SLC9A9: variants seen among roughly 807,000 people sequenced by gnomAD.
The protein encoded by SLC9A9 is sodium/hydrogen exchanger 9.
A neutral mutation model predicts 77.8 loss-of-function variants in SLC9A9; 62 were observed. That is an observed-to-expected ratio of 0.80 (90% CI 0.65 to 0.98). The LOEUF (loss-of-function observed/expected upper bound fraction) is 0.98, where lower values mean the gene tolerates loss of function less well. Among genes scored for constraint, SLC9A9 ranks in the 50% least tolerant of loss-of-function variants. SLC9A9 has a pLI of 0.00. For missense variants in SLC9A9, 775 were observed against 774.9 expected, an observed-to-expected ratio of 1.00 and a Z score of 0.00; for synonymous variants, 320 against 283.5, an observed-to-expected ratio of 1.13 and a Z score of -1.29.
At chr3:143,460,627 C>T (rs762031193) in intron 12 of SLC9A9, among the ~76,000 whole-genome samples, 3 of 152,032 alleles carry the variant, frequency 2.0e-5, no homozygotes, top group Non-Finnish European at 2.9e-5. Flanking sequence ...TCAGAGAAGA[C>T]GACTAAGAAC....
intron 5 of SLC9A9, among the ~76,000 whole-genome samples, chr3:143,675,584 C>CATGT (rs1034789269): frequency 1.3e-5 from 2 of 152,200 alleles, no homozygotes; most frequent in Admixed American, 6.5e-5. Context: ...GTGTGACTTA[C>CATGT]ATGTAATATG....
chr3:143,624,531 T>G (rs1343949164), intron 6 of SLC9A9, among the ~76,000 whole-genome samples: 1 of 152,154 alleles, frequency 6.6e-6, no homozygotes, highest in Non-Finnish European at 1.5e-5. Context: ...ATTATCTCAA[T>G]AGGTGCAGAA....
chr3:143,467,118 G>A lies in SLC9A9; in HGVS notation c.1388C>T (p.Thr463Ile). The A allele has an allele frequency of 6.2e-7, 1 of 1,614,172 alleles. No homozygotes were observed. The highest frequency in any genetic ancestry group is 8.5e-7 in the Non-Finnish European group (1 of 1,180,022). Residue 463 changes from threonine (T) to isoleucine (I), a missense_variant, in exon 12 of 16, where the codon ACC becomes ATC. By Grantham distance (89) the Thr-to-Ile change is moderately conservative. Transcript: ENST00000316549. ...TESQPKQMMFTTTLLLVFFTV... is the reference protein window; with the variant it reads ...TESQPKQMMFITTLLLVFFTV... ...GAAGAACACGAGGAGCAGCGTAGTG[G>A]TAAACATCATTTGTTTGGGCTGAGA...
intron 4 of SLC9A9, among the ~76,000 whole-genome samples, chr3:143,783,528 T>C (rs1377033489): frequency 6.6e-6 from 1 of 152,156 alleles, no homozygotes; most frequent in African/African-American, 2.4e-5. Context: ...AATAGGACAA[T>C]AGGTAAAGTA....
At position 143,840,054 on chromosome 3, in the gene SLC9A9, T is replaced by G. The variant is rs111318619; in HGVS notation, c.176-7833A>C. Among the ~76,000 whole-genome samples the G allele has an allele frequency of 3.7e-3, 567 of 152,314 alleles. 5 individuals are homozygous for G. Among genetic ancestry groups the G allele is most frequent in the African/African-American group, 0.013 (545 of 41,566 alleles). ...TCAAGTTTATTTTCCTAGCAAAGTATTTCTCAAACTTCAGTGCATCAGAAC... is the reference window on the plus strand; with the variant it reads ...TCAAGTTTATTTTCCTAGCAAAGTAGTTCTCAAACTTCAGTGCATCAGAAC... On this transcript the variant is annotated intron_variant, in intron 1 of 15. Transcript: ENST00000316549.
chr3:143,651,385 A>C (rs2038791513), intron 6 of SLC9A9, among the ~76,000 whole-genome samples: 1 of 152,232 alleles, frequency 6.6e-6, no homozygotes, highest in Admixed American at 6.5e-5. Flanking sequence ...AAGAAAAAAA[A>C]GAGTAGTGCT....
chr3:143,477,713 A>C (rs929373507), intron 11 of SLC9A9, among the ~76,000 whole-genome samples: 2 of 152,066 alleles, frequency 1.3e-5, no homozygotes, highest in African/African-American at 4.8e-5. Flanking sequence ...ATATTATCCT[A>C]TGGTTCTGCG....
intron 6 of SLC9A9, among the ~76,000 whole-genome samples, chr3:143,614,517 GACAATAGAGT>G (rs2038072477): frequency 6.6e-6 from 1 of 152,154 alleles, no homozygotes; most frequent in Non-Finnish European, 1.5e-5. Context: ...TTCTCCAACA[GACAATAGAGT>G]ACATCTTACT....
At chr3:143,644,336 A>G (rs1411431213) in intron 6 of SLC9A9, among the ~76,000 whole-genome samples, 1 of 152,262 alleles carries the variant, frequency 6.6e-6, no homozygotes, top group Non-Finnish European at 1.5e-5. Flanking sequence ...CCAATTTGTC[A>G]CGCATGACTT....
intron 9 of SLC9A9, among the ~76,000 whole-genome samples, chr3:143,513,639 G>C (rs1326519925): frequency 6.6e-6 from 1 of 152,062 alleles, no homozygotes; most frequent in Non-Finnish European, 1.5e-5. Context: ...ATCCATCAGA[G>C]GAATCACTTT....
At chr3:143,434,708 GCCTCTTTCCACCCTGGTCCATGCTAA>G (rs1366220676) in intron 12 of SLC9A9, among the ~76,000 whole-genome samples, 1 of 152,050 alleles carries the variant, frequency 6.6e-6, no homozygotes, top group Non-Finnish European at 1.5e-5. Context: ...TCTCATAAAT[GCCTCTTTCCACCCTGGTCCATGCTAA>G]CCTCTGCTGC....
At chr3:143,650,714 T>C (rs1411005733) in intron 6 of SLC9A9, among the ~76,000 whole-genome samples, 1 of 152,214 alleles carries the variant, frequency 6.6e-6, no homozygotes, top group Admixed American at 6.5e-5. Context: ...ATCTCATTCC[T>C]AGAAAGGAAG....
At chr3:143,394,662 G>A (rs974370539) in intron 12 of SLC9A9, among the ~76,000 whole-genome samples, 1 of 152,142 alleles carries the variant, frequency 6.6e-6, no homozygotes, top group Non-Finnish European at 1.5e-5. Flanking sequence ...AAGTCAAATT[G>A]TCCCTGTTTG....
intron 12 of SLC9A9, among the ~76,000 whole-genome samples, chr3:143,458,375 T>C (rs1256014041): frequency 2.0e-5 from 3 of 152,152 alleles, no homozygotes; most frequent in Non-Finnish European, 4.4e-5. Context: ...GTTTTTAATC[T>C]GCCTTGACAA....
intron 14 of SLC9A9, among the ~76,000 whole-genome samples, chr3:143,339,583 C>T (rs1327475421): frequency 6.6e-6 from 1 of 152,200 alleles, no homozygotes; most frequent in African/African-American, 2.4e-5. Flanking sequence ...AATTACTCTT[C>T]AGATTCTTTT....
rs557230479 is a variant in SLC9A9 at position 143,767,123 on chromosome 3, T to A, written c.533+27878A>T. ...TATAACACGTTTCACTCAGGAGGTATGCTTCTTGCCTGGACCTCTAGATAT... is the reference window on the plus strand; with the variant it reads ...TATAACACGTTTCACTCAGGAGGTAAGCTTCTTGCCTGGACCTCTAGATAT... On this transcript the variant is annotated intron_variant, in intron 4 of 15. Coordinates refer to ENST00000316549, the MANE Select transcript of SLC9A9 (RefSeq NM_173653.4). Among the ~76,000 whole-genome samples the A allele has an allele frequency of 2.6e-5, 4 of 152,276 alleles. No individual in the cohort carries two copies. The South Asian group carries it at 8.3e-4, about 32-fold the overall frequency.
At chr3:143,801,953 C>T (rs1386358488) in intron 2 of SLC9A9, among the ~76,000 whole-genome samples, 4 of 152,264 alleles carry the variant, frequency 2.6e-5, no homozygotes, top group Admixed American at 6.5e-5. Context: ...TTCTCAAGGC[C>T]GCTTTACTTC....
At chr3:143,748,086 G>A (rs542618208) in intron 4 of SLC9A9, among the ~76,000 whole-genome samples, 1 of 152,320 alleles carries the variant, frequency 6.6e-6, no homozygotes, top group South Asian at 2.1e-4. Context: ...TAAGTTAGTT[G>A]ACACTGAACT....
chr3:143,811,847 G>A (rs1380164443), intron 2 of SLC9A9: 3 of 321,948 alleles, frequency 9.3e-6, no homozygotes, highest in Admixed American at 4.6e-5. Flanking sequence ...GGGTGACAGA[G>A]AGAGATCTTG....
Sources: allele counts gnomAD v4.1 joint callset (sites outside exome capture counted in the v4.1 genomes callset), GRCh38; gene constraint gnomAD v4.1.1; transcripts MANE v1.5; gene names NCBI Gene and HGNC (gene_info 2026-07-23, HGNC 2026-07-21).